Variants in PIP5K1B observed in about 807,000 individuals in gnomAD.
The protein encoded by PIP5K1B is phosphatidylinositol-4-phosphate 5-kinase type 1 beta, also known as phosphatidylinositol 4-phosphate 5-kinase type-1 beta.
In PIP5K1B, 42 loss-of-function variants were observed where a neutral mutation model predicts 67.0. That is an observed-to-expected ratio of 0.63 (90% CI 0.49 to 0.81). The LOEUF (loss-of-function observed/expected upper bound fraction) is 0.81, where lower values mean the gene tolerates loss of function less well. Ranked by LOEUF, PIP5K1B falls within the 30% of genes least tolerant of loss-of-function variation. PIP5K1B has a pLI of 0.00. For synonymous variants in PIP5K1B, 214 were observed against 231.4 expected, an observed-to-expected ratio of 0.92 and a Z score of 0.68; for missense variants, 459 against 646.3, an observed-to-expected ratio of 0.71 and a Z score of 3.14.
At chr9:68,945,328 T>C (rs1827749757) in intron 14 of PIP5K1B, among the ~76,000 whole-genome samples, 1 of 152,058 alleles carries the variant, frequency 6.6e-6, no homozygotes, top group Non-Finnish European at 1.5e-5. Flanking sequence ...GTATTTTTAG[T>C]AGAGGCGGAG....
intron 5 of PIP5K1B, among the ~76,000 whole-genome samples, chr9:68,874,322 G>A (rs1394760813): frequency 6.6e-6 from 1 of 152,032 alleles, no homozygotes; most frequent in Non-Finnish European, 1.5e-5. Flanking sequence ...TTTTTTGAAT[G>A]ACCAAATACC....
intron 1 of PIP5K1B, among the ~76,000 whole-genome samples, chr9:68,732,271 G>A (rs542406963): frequency 8.5e-5 from 13 of 152,152 alleles, no homozygotes; most frequent in Non-Finnish European, 1.8e-4. Context: ...AGGGTCTCTC[G>A]TTTATTTTTC....
intron 4 of PIP5K1B, among the ~76,000 whole-genome samples, chr9:68,838,083 T>C (rs1249355298): frequency 6.6e-6 from 1 of 151,878 alleles, no homozygotes; most frequent in Admixed American, 6.6e-5. Flanking sequence ...TTTTTTTTTC[T>C]TTTGCGCATG....
intron 2 of PIP5K1B, among the ~76,000 whole-genome samples, chr9:68,770,896 G>A (rs1045189760): frequency 2.0e-5 from 3 of 152,128 alleles, no homozygotes; most frequent in South Asian, 2.1e-4. Flanking sequence ...AACATATAGC[G>A]GAAATGTATG....
intron 15 of PIP5K1B, among the ~76,000 whole-genome samples, chr9:68,999,303 T>A (rs1296287512): frequency 6.6e-6 from 1 of 152,162 alleles, no homozygotes; most frequent in Admixed American, 6.5e-5. Flanking sequence ...TGGATAAGAA[T>A]ATTGGGGGGA....
At chr9:68,746,788 G>A (rs201363666) in intron 2 of PIP5K1B, among the ~76,000 whole-genome samples, 3 of 152,272 alleles carry the variant, frequency 2.0e-5, no homozygotes, top group East Asian at 3.9e-4. Context: ...CCTGGCCTCG[G>A]GCTGGAGTGG....
At chr9:68,764,723 G>T (rs1830349658) in intron 2 of PIP5K1B, among the ~76,000 whole-genome samples, 1 of 152,012 alleles carries the variant, frequency 6.6e-6, no homozygotes, top group Non-Finnish European at 1.5e-5. Context: ...CAAAGACAAA[G>T]AATTTATGCT....
chr9:68,995,425 A>AT (rs1486938172), intron 15 of PIP5K1B, among the ~76,000 whole-genome samples: 2 of 152,066 alleles, frequency 1.3e-5, no homozygotes, highest in Non-Finnish European at 2.9e-5. Context: ...GGAAAATTTT[A>AT]TTTTTTGTTT....
At chr9:68,857,824 A>T (rs1822857100) in intron 4 of PIP5K1B, among the ~76,000 whole-genome samples, 1 of 152,048 alleles carries the variant, frequency 6.6e-6, no homozygotes, top group Non-Finnish European at 1.5e-5. Context: ...CTGTGATCAT[A>T]CCACTGCACT....
At chr9:68,871,653 T>C (rs899921869) in intron 5 of PIP5K1B, among the ~76,000 whole-genome samples, 10 of 152,230 alleles carry the variant, frequency 6.6e-5, no homozygotes, top group Admixed American at 6.5e-5. Context: ...CTGTTCTTTA[T>C]TTGAAATTTC....
chr9:68,782,444 T>A (rs1332405944), intron 2 of PIP5K1B: 1 of 166,918 alleles, frequency 6.0e-6, no homozygotes, highest in Non-Finnish European at 1.5e-5. Flanking sequence ...TCCTTATACC[T>A]CACATATCTT....
intron 14 of PIP5K1B, among the ~76,000 whole-genome samples, chr9:68,961,519 G>A (rs1302273197): frequency 1.3e-5 from 2 of 152,168 alleles, no homozygotes; most frequent in African/African-American, 2.4e-5. Context: ...TTCAAAGTGC[G>A]TGGCTGGGGC....
intron 2 of PIP5K1B, among the ~76,000 whole-genome samples, chr9:68,810,758 C>G (rs1342385961): frequency 1.3e-5 from 2 of 152,172 alleles, no homozygotes; most frequent in Non-Finnish European, 2.9e-5. Context: ...CCTCTACCAC[C>G]TTTTCAATTA....
chr9:68,762,338 TTG>T (rs1830222801), intron 2 of PIP5K1B, among the ~76,000 whole-genome samples: 1 of 152,166 alleles, frequency 6.6e-6, no homozygotes, highest in Non-Finnish European at 1.5e-5. Context: ...TCGTGGAATG[TTG>T]TTTTTCTGAA....
chr9:68,886,082 G>A (rs1824457379), intron 6 of PIP5K1B, among the ~76,000 whole-genome samples: 1 of 152,122 alleles, frequency 6.6e-6, no homozygotes, highest in African/African-American at 2.4e-5. Context: ...GGGAGGCTGA[G>A]GCAGGAGAAG....
chr9:68,726,366 G>A (rs951379676), intron 1 of PIP5K1B, among the ~76,000 whole-genome samples: 2 of 152,070 alleles, frequency 1.3e-5, no homozygotes, highest in Admixed American at 6.5e-5. Flanking sequence ...CCAAAAATGA[G>A]GGAAACTCAT....
At chr9:68,723,179 T>TGA (rs754438778) in intron 1 of PIP5K1B, among the ~76,000 whole-genome samples, 36 of 116,824 alleles carry the variant, frequency 3.1e-4, no homozygotes, top group South Asian at 6.8e-4. Context: ...TGTGTGTGTG[T>TGA]GAGAGAGAGA....
intron 4 of PIP5K1B, among the ~76,000 whole-genome samples, chr9:68,861,814 A>G (rs983640373): frequency 1.3e-5 from 2 of 152,162 alleles, no homozygotes; most frequent in African/African-American, 4.8e-5. Flanking sequence ...TACTGGTACA[A>G]AAGGTCACTG....
chr9:68,860,500 A>G (rs1273679730), intron 4 of PIP5K1B, among the ~76,000 whole-genome samples: 1 of 152,244 alleles, frequency 6.6e-6, no homozygotes, highest in Non-Finnish European at 1.5e-5. Context: ...ATTGGAAGAA[A>G]TAAAATTTTT....
Sources: gnomAD v4.1 joint callset for allele counts (sites outside exome capture counted in the v4.1 genomes callset) on GRCh38, gnomAD v4.1.1 for gene constraint, MANE v1.5 for transcripts, NCBI Gene and HGNC (gene_info 2026-07-23, HGNC 2026-07-21) for gene names.